The following TBC1D5 variants were observed in gnomAD, a reference collection of about 807,000 sequenced individuals.
TBC1D5 encodes the protein TBC1 domain family member 5.
In TBC1D5, 75 loss-of-function variants were observed where a neutral mutation model predicts 100.3. The ratio of observed to expected loss-of-function variants is 0.75; its 90% CI spans 0.62 to 0.91. TBC1D5 has a LOEUF of 0.91. Ranked by LOEUF, TBC1D5 falls within the 40% of genes least tolerant of loss-of-function variation. TBC1D5 has a pLI of 0.00. For missense variants in TBC1D5, 910 were observed against 942.4 expected, an observed-to-expected ratio of 0.97 and a Z score of 0.45; for synonymous variants, 323 against 325.6, an observed-to-expected ratio of 0.99 and a Z score of 0.09.
chr3:17,347,154 A>G (rs908012397), intron 13 of TBC1D5, among the ~76,000 whole-genome samples: 4 of 152,142 alleles, frequency 2.6e-5, no homozygotes, highest in African/African-American at 9.7e-5. Flanking sequence ...GGAGTCAGAG[A>G]TAAGGTTTTG....
At chr3:17,455,690 A>G (rs1056758835) in intron 3 of TBC1D5, among the ~76,000 whole-genome samples, 1 of 151,950 alleles carries the variant, frequency 6.6e-6, no homozygotes, top group Admixed American at 6.6e-5. Context: ...TTACAAAAAA[A>G]TTAACCAGGT....
At chr3:17,364,724 A>G (rs2151935819) in intron 13 of TBC1D5, among the ~76,000 whole-genome samples, 1 of 152,310 alleles carries the variant, frequency 6.6e-6, no homozygotes, top group South Asian at 2.1e-4. Flanking sequence ...TAGCTTTGTC[A>G]TCATCTATTA....
In TBC1D5 at chr3:17,612,112, TA is replaced by T. The variant is rs1490586740; in HGVS notation, c.-36+11736del. Among the ~76,000 whole-genome samples the T allele has an allele frequency of 2.0e-5, 3 of 150,204 alleles. No homozygotes were observed. In the East Asian group the frequency reaches 5.9e-4, roughly 30 times the overall value. On this transcript the variant is annotated intron_variant, in intron 2 of 21. Transcript: ENST00000253692. ...CCCAGGAGTAGGAGACCAGCCTGGG[TA>T]ACATGGTGAAACGCCTTATCTACAA...
chr3:17,392,404 G>A (rs1197818680), intron 8 of TBC1D5, among the ~76,000 whole-genome samples: 7 of 151,820 alleles, frequency 4.6e-5, no homozygotes, highest in African/African-American at 9.7e-5. Flanking sequence ...TCCGGGAAAC[G>A]TGTAGAATGT....
intron 1 of TBC1D5, among the ~76,000 whole-genome samples, chr3:17,674,106 GA>G (rs1180146805): frequency 1.0e-4 from 15 of 145,728 alleles, no homozygotes; most frequent in Non-Finnish European, 1.1e-4. Flanking sequence ...CTACATATTT[GA>G]AAAAAAAAAA....
At chr3:17,635,210 A>T (rs1233717643) in intron 1 of TBC1D5, among the ~76,000 whole-genome samples, 1 of 152,128 alleles carries the variant, frequency 6.6e-6, no homozygotes, top group African/African-American at 2.4e-5. Context: ...AAAGAACAGG[A>T]GGTCAGTTTT....
chr3:17,587,437 A>G (rs2096739586), intron 2 of TBC1D5, among the ~76,000 whole-genome samples: 1 of 152,016 alleles, frequency 6.6e-6, no homozygotes, highest in Non-Finnish European at 1.5e-5. Flanking sequence ...AAAACATGAC[A>G]ACAGATTCCA....
chr3:17,457,787 T>A (rs2095121782), intron 3 of TBC1D5, among the ~76,000 whole-genome samples: 1 of 152,188 alleles, frequency 6.6e-6, no homozygotes, highest in Non-Finnish European at 1.5e-5. Flanking sequence ...CAGTAAAGAC[T>A]AAAACAGTTT....
At chr3:17,235,993 C>T (rs1187668500) in intron 17 of TBC1D5, among the ~76,000 whole-genome samples, 2 of 151,926 alleles carry the variant, frequency 1.3e-5, no homozygotes, top group Admixed American at 6.6e-5. Flanking sequence ...TTCCTTTCAG[C>T]ACAGGGATCA....
intron 1 of TBC1D5, chr3:17,700,088 C>G (rs2072914446): frequency 6.6e-6 from 1 of 152,054 alleles, no homozygotes; most frequent in Non-Finnish European, 1.5e-5. Context: ...TCTTAATTAT[C>G]CATCATCTGC....
At chr3:17,528,057 G>C (rs1005756026) in intron 2 of TBC1D5, among the ~76,000 whole-genome samples, 9 of 151,886 alleles carry the variant, frequency 5.9e-5, no homozygotes, top group African/African-American at 1.5e-4. Context: ...GGTTTTTTAG[G>C]GGGGGCTGGG....
At chr3:17,261,314 T>A (rs1414542034) in intron 15 of TBC1D5, among the ~76,000 whole-genome samples, 1 of 152,182 alleles carries the variant, frequency 6.6e-6, no homozygotes, top group Non-Finnish European at 1.5e-5. Context: ...TTGTTAAAAA[T>A]ACATATATAA....
chr3:17,467,352 C>T (rs1328493528), intron 3 of TBC1D5, among the ~76,000 whole-genome samples: 1 of 141,900 alleles, frequency 7.0e-6, no homozygotes, highest in African/African-American at 2.7e-5. Flanking sequence ...TTTTAGGGTA[C>T]ATGTGCACAA....
intron 16 of TBC1D5, among the ~76,000 whole-genome samples, chr3:17,248,932 C>A (rs2076967437): frequency 6.6e-6 from 1 of 152,198 alleles, no homozygotes; most frequent in African/African-American, 2.4e-5. Context: ...TCAGTACTTG[C>A]TGCTTCACCT....
chr3:17,612,698 GAAGA>G (rs1487796542), intron 2 of TBC1D5, among the ~76,000 whole-genome samples: 2 of 151,740 alleles, frequency 1.3e-5, no homozygotes, highest in African/African-American at 4.8e-5. Flanking sequence ...AACTAGAAAA[GAAGA>G]AATAAAACTA....
intron 13 of TBC1D5, among the ~76,000 whole-genome samples, chr3:17,324,365 C>T (rs535913556): frequency 2.6e-5 from 4 of 152,144 alleles, no homozygotes; most frequent in South Asian, 4.1e-4. Flanking sequence ...AAAATAGGCC[C>T]GGTGTGGTGG....
chr3:17,200,429 T>G (rs1392388338), intron 18 of TBC1D5, among the ~76,000 whole-genome samples: 2 of 152,232 alleles, frequency 1.3e-5, no homozygotes, highest in East Asian at 3.8e-4. Flanking sequence ...TAGATTCTCA[T>G]AGGAGTGTGA....
At chr3:17,680,642 ATT>A (rs941612527) in intron 1 of TBC1D5, among the ~76,000 whole-genome samples, 1 of 151,230 alleles carries the variant, frequency 6.6e-6, no homozygotes. Flanking sequence ...TTTGTGTGAT[ATT>A]GTTTTTGTTG....
intron 4 of TBC1D5, among the ~76,000 whole-genome samples, chr3:17,417,715 G>A (rs1488773148): frequency 6.6e-6 from 1 of 152,058 alleles, no homozygotes; most frequent in Non-Finnish European, 1.5e-5. Flanking sequence ...CCAGTAATGG[G>A]ATGGCTGGGT....
Sources: allele counts gnomAD v4.1 joint callset (sites outside exome capture counted in the v4.1 genomes callset), GRCh38; gene constraint gnomAD v4.1.1; transcripts MANE v1.5; gene names NCBI Gene and HGNC (gene_info 2026-07-23, HGNC 2026-07-21).